ANKRD28: variants seen among roughly 807,000 people sequenced by gnomAD.
ANKRD28 encodes ankyrin repeat domain 28, also known as serine/threonine-protein phosphatase 6 regulatory ankyrin repeat subunit A.
A neutral mutation model predicts 126.5 loss-of-function variants in ANKRD28; 44 were observed. The observed-to-expected ratio is 0.35, with a 90% CI of 0.27 to 0.45. The LOEUF is 0.45. Ranked by LOEUF, ANKRD28 falls within the 20% of genes least tolerant of loss-of-function variation. The probability of loss-of-function intolerance (pLI) is 1.00; values close to 1 mark genes in which losing one functional copy is unlikely to be tolerated. For missense variants in ANKRD28, 1,110 were observed against 1,316.6 expected, an observed-to-expected ratio of 0.84 and a Z score of 2.43; for synonymous variants, 442 against 468.5, an observed-to-expected ratio of 0.94 and a Z score of 0.73.
intron 13 of ANKRD28, among the ~76,000 whole-genome samples, chr3:15,708,818 C>T (rs2071826338): frequency 1.3e-5 from 2 of 152,064 alleles, no homozygotes; most frequent in Admixed American, 1.3e-4. Context: ...ATGCATAATT[C>T]TTTTTACTTC....
At chr3:15,719,016 T>TA (rs1239033226) in intron 8 of ANKRD28, among the ~76,000 whole-genome samples, 1 of 152,170 alleles carries the variant, frequency 6.6e-6, no homozygotes. Context: ...CTGTAATAAA[T>TA]AAACTTTCTA....
rs991232542 is a variant in ANKRD28, at chr3:15,679,192, A to C, written c.2561+109T>G. 1.5e-5 allele frequency: 15 copies of C among 1,025,550 alleles called. No homozygotes were observed. The African/African-American group carries it at 2.1e-4, about 14-fold the overall frequency. The allele number at this position is 1,025,550 out of a possible 1,614,324, so 63.5% of individuals were successfully genotyped here. A position where few individuals can be genotyped will look rare whatever the true frequency, so the allele number is the denominator to read the frequency against. On this transcript the variant is annotated intron_variant, in intron 23 of 27. Coordinates refer to ENST00000683139, the MANE Select transcript of ANKRD28 (RefSeq NM_001349278.2). ...GCTATGTTGACCAGGCTGGTCTTAAACTCCTGGCTTCAAGTCATCCTCCCA... is the reference window on the plus strand; with the variant it reads ...GCTATGTTGACCAGGCTGGTCTTAACCTCCTGGCTTCAAGTCATCCTCCCA...
chr3:15,835,414 C>T (rs2061300699), intron 1 of ANKRD28, among the ~76,000 whole-genome samples: 1 of 152,102 alleles, frequency 6.6e-6, no homozygotes, highest in Non-Finnish European at 1.5e-5. Flanking sequence ...TTTTAATTGC[C>T]TGAAACAATA....
At chr3:15,736,090 G>A (rs2074997569) in intron 5 of ANKRD28, among the ~76,000 whole-genome samples, 2 of 152,208 alleles carry the variant, frequency 1.3e-5, no homozygotes, top group Non-Finnish European at 2.9e-5. Flanking sequence ...GAGAAGTACA[G>A]TAGTCTCCCC....
At chr3:15,731,534 C>T (rs1394468617) in intron 6 of ANKRD28, among the ~76,000 whole-genome samples, 2 of 152,094 alleles carry the variant, frequency 1.3e-5, no homozygotes, top group Non-Finnish European at 2.9e-5. Flanking sequence ...CTGGCTATTA[C>T]CTTCAATTAA....
At chr3:15,688,023 C>T (rs1208082880) in intron 18 of ANKRD28, among the ~76,000 whole-genome samples, 1 of 152,126 alleles carries the variant, frequency 6.6e-6, no homozygotes, top group African/African-American at 2.4e-5. Context: ...AGATACAAGG[C>T]TTGCATTTAT....
intron 3 of ANKRD28, chr3:15,756,530 C>A: frequency 1.0e-6 from 1 of 985,284 alleles, no homozygotes; most frequent in Non-Finnish European, 1.2e-6. Context: ...GAAGAGAGGT[C>A]TAACGTTGTG....
At chr3:15,703,193 T>C (rs2070869343) in intron 14 of ANKRD28, among the ~76,000 whole-genome samples, 1 of 152,136 alleles carries the variant, frequency 6.6e-6, no homozygotes, top group Admixed American at 6.5e-5. Flanking sequence ...AAATATCAGA[T>C]ACATAGGAAT....
intron 18 of ANKRD28, chr3:15,689,744 A>G (rs968386749): frequency 4.7e-5 from 14 of 296,812 alleles, no homozygotes; most frequent in Middle Eastern, 2.0e-3. Context: ...CTTTATATGA[A>G]TATTTTTTGT....
At position 15,838,552 on chromosome 3, in the gene ANKRD28, C is replaced by T. The variant is rs998435442; in HGVS notation, c.27+20825G>A. The stretch of plus-strand genomic sequence containing the variant: ...TCAGGAGTTTGAGACCAGCCTCCAG[C>T]CTGGCCAACATGGTGAAACCCCATT... On this transcript the variant is annotated intron_variant, in intron 1 of 27. Transcript: ENST00000399451. The surrounding 1 kb of genome is among the most constrained non-coding windows in gnomAD (Gnocchi z 4.0). Among the ~76,000 whole-genome samples the T allele has an allele frequency of 2.6e-5, 4 of 152,086 alleles. No homozygotes were observed. The highest frequency in any genetic ancestry group is 6.6e-5 in the Admixed American group (1 of 15,264).
chr3:15,743,508 A>C (rs1338174164), intron 4 of ANKRD28, among the ~76,000 whole-genome samples: 1 of 151,826 alleles, frequency 6.6e-6, no homozygotes, highest in Non-Finnish European at 1.5e-5. Context: ...GTTAAAATAT[A>C]AGTCGTATGC....
chr3:15,851,190 T>C (rs1365765101), intron 1 of ANKRD28, among the ~76,000 whole-genome samples: 1 of 152,124 alleles, frequency 6.6e-6, no homozygotes, highest in East Asian at 1.9e-4. Context: ...ATGGCCAATA[T>C]GCACATGAAA....
rs1471292258 is a variant in ANKRD28 at position 15,823,892 on chromosome 3, T to C, written c.28-28586A>G. Among the ~76,000 whole-genome samples the C allele has an allele frequency of 2.0e-5, 3 of 152,184 alleles. 1 individual carries two copies. Among genetic ancestry groups the C allele is most frequent in the South Asian group, 4.1e-4 (2 of 4,834 alleles). ...TCATGATAAAAAACACTCAACATCATAGAAGGGAACTTCTTTACCATGATA... is the reference window on the plus strand; with the variant it reads ...TCATGATAAAAAACACTCAACATCACAGAAGGGAACTTCTTTACCATGATA... On this transcript the variant is annotated intron_variant, in intron 1 of 27. Coordinates refer to the ANKRD28 transcript ENST00000399451.
At chr3:15,849,125 T>C (rs534193316) in intron 1 of ANKRD28, among the ~76,000 whole-genome samples, 3 of 152,312 alleles carry the variant, frequency 2.0e-5, no homozygotes, top group South Asian at 4.1e-4. Flanking sequence ...AAACTTGTAC[T>C]CTTGAAACTA....
intron 6 of ANKRD28, among the ~76,000 whole-genome samples, chr3:15,734,720 G>A (rs534940732): frequency 6.6e-6 from 1 of 152,236 alleles, no homozygotes; most frequent in African/African-American, 2.4e-5. Flanking sequence ...ATCCAGAAGC[G>A]AGCATTTCTA....
At position 15,816,801 on chromosome 3, in the gene ANKRD28, C is replaced by T. The variant is rs2060840935; in HGVS notation, c.28-21495G>A. Among the ~76,000 whole-genome samples the T allele has an allele frequency of 6.6e-6, 1 of 152,110 alleles. No individual in the cohort carries two copies. The highest frequency in any genetic ancestry group is 6.5e-5 in the Admixed American group (1 of 15,276). On this transcript the variant is annotated intron_variant, in intron 1 of 27. Coordinates refer to the ANKRD28 transcript ENST00000399451. The surrounding 1 kb of genome is among the most constrained non-coding windows in gnomAD (Gnocchi z 5.0). ...ATCCAAGACACTGAGAGATAGGAAG[C>T]TAGGATAATGAGTAAATCCAAACTG... is the stretch of plus-strand genomic sequence containing the variant.
At chr3:15,791,237 T>C (rs2060009079) in intron 2 of ANKRD28, among the ~76,000 whole-genome samples, 1 of 151,996 alleles carries the variant, frequency 6.6e-6, no homozygotes, top group African/African-American at 2.4e-5. Flanking sequence ...AAAATACCAA[T>C]GGAATTCTTC....
At chr3:15,764,504 A>T (rs1296699030) in intron 3 of ANKRD28, among the ~76,000 whole-genome samples, 1 of 151,206 alleles carries the variant, frequency 6.6e-6, no homozygotes, top group Non-Finnish European at 1.5e-5. Context: ...AACTTTGAGC[A>T]TTTGAAAAGT....
At chr3:15,690,976 T>C (rs546480613) in intron 17 of ANKRD28, among the ~76,000 whole-genome samples, 1 of 152,268 alleles carries the variant, frequency 6.6e-6, no homozygotes, top group African/African-American at 2.4e-5. Flanking sequence ...AAACTGACCA[T>C]ACCCACCCCA....
Sources: allele counts gnomAD v4.1 joint callset (sites outside exome capture counted in the v4.1 genomes callset), GRCh38; gene constraint gnomAD v4.1.1; non-coding constraint Gnocchi (gnomAD v3.1); transcripts MANE v1.5; gene names NCBI Gene and HGNC (gene_info 2026-07-23, HGNC 2026-07-21).